Variants in FMN2 observed in about 807,000 individuals in gnomAD.
FMN2 encodes the protein formin-2.
Under a neutral mutation model 142.3 loss-of-function variants are expected in FMN2, and 51 were observed. The ratio of observed to expected loss-of-function variants is 0.36; its 90% confidence interval spans 0.29 to 0.45. The LOEUF (loss-of-function observed/expected upper bound fraction) is 0.45, where lower values mean the gene tolerates loss of function less well. FMN2 is among the 20% of genes least tolerant of loss of function. The pLI, the probability that FMN2 is intolerant of heterozygous loss-of-function variation, is 1.00. For missense variants in FMN2, 1,936 were observed against 2,122.8 expected (o/e 0.91, Z 1.73); for synonymous variants, 882 against 869.8 (o/e 1.01, Z -0.25).
intron 14 of FMN2, among the ~76,000 whole-genome samples, chr1:240,367,790 A>G (rs1474348918): frequency 6.8e-6 from 1 of 147,886 alleles, no homozygotes; most frequent in Non-Finnish European, 1.5e-5. Context: ...AAAAAAAAAA[A>G]AGAAATCCTT....
intron 7 of FMN2, among the ~76,000 whole-genome samples, chr1:240,265,974 G>A (rs1452682510): frequency 9.7e-6 from 1 of 102,706 alleles, no homozygotes; most frequent in African/African-American, 3.7e-5. Context: ...ATAAGTCTTT[G>A]TCCATGGGAC....
chr1:240,162,693 C>T (rs189350126), intron 2 of FMN2, among the ~76,000 whole-genome samples: 35 of 152,066 alleles, frequency 2.3e-4, no homozygotes, highest in Admixed American at 1.8e-3. Flanking sequence ...ATTATACTTG[C>T]CAGAGGTTTT....
chr1:240,206,920 A>G lies in FMN2; in HGVS notation c.2108A>G (p.Glu703Gly). The change falls in exon 5 of 18, where the codon GAG (glutamate) becomes GGG (glycine). Residue 703 changes from glutamate (E) to glycine (G), a missense_variant. By Grantham distance (98) the Glu-to-Gly change is moderately conservative (BLOSUM62 -2). This residue lies in a region of FMN2 where 478 missense variants were observed against 462.8 expected (regional missense o/e 1.03). Transcript: ENST00000319653. ...LERQYPALDTEVASGHQGLEN... is the reference protein window; with the variant it reads ...LERQYPALDTGVASGHQGLEN... The stretch of plus-strand genomic sequence containing the variant: ...AGGCAGTATCCTGCCCTGGACACAG[A>G]GGTGGCCAGTGGTCATCAAGGGCTT... 4 of 1,614,196 alleles carry G rather than the reference A, an allele frequency of 2.5e-6. No individual in the cohort carries two copies. The highest frequency in any genetic ancestry group is 3.4e-6 in the Non-Finnish European group (4 of 1,180,028).
intron 2 of FMN2, among the ~76,000 whole-genome samples, chr1:240,164,778 G>A (rs1394427552): frequency 6.6e-6 from 1 of 152,102 alleles, no homozygotes; most frequent in Non-Finnish European, 1.5e-5. Context: ...CAGTTTTACT[G>A]TATTCACCCA....
chr1:240,406,959 G>T (rs573235172), intron 15 of FMN2, among the ~76,000 whole-genome samples: 1 of 152,264 alleles, frequency 6.6e-6, no homozygotes, highest in African/African-American at 2.4e-5. Flanking sequence ...TTTTTTCATT[G>T]TGAGAGCGTT....
intron 4 of FMN2, among the ~76,000 whole-genome samples, chr1:240,202,723 G>A (rs909889235): frequency 6.6e-6 from 1 of 152,026 alleles, no homozygotes; most frequent in Non-Finnish European, 1.5e-5. Flanking sequence ...TTCAGCCTCG[G>A]AAAGTGCTGG....
intron 14 of FMN2, 74 bp from the exon 15 acceptor site, chr1:240,392,437 A>G: frequency 1.7e-6 from 2 of 1,153,942 alleles, no homozygotes; most frequent in Non-Finnish European, 2.6e-6. Flanking sequence ...TACGTTATGT[A>G]GGGCAGATGT....
intron 15 of FMN2, among the ~76,000 whole-genome samples, chr1:240,428,326 G>T (rs1675028249): frequency 6.6e-6 from 1 of 151,666 alleles, no homozygotes; most frequent in African/African-American, 2.4e-5. Flanking sequence ...TAACCCCCTG[G>T]GCTCAAGCAA....
At chr1:240,145,262 TC>T in intron 2 of FMN2, 1 of 1,444,090 alleles carries the variant, frequency 6.9e-7, no homozygotes, top group Non-Finnish European at 9.5e-7. Flanking sequence ...TTTGTCCTTG[TC>T]CCCGGCATCC....
At chr1:240,367,229 T>G (rs1311480818) in intron 14 of FMN2, among the ~76,000 whole-genome samples, 2 of 152,222 alleles carry the variant, frequency 1.3e-5, no homozygotes, top group Non-Finnish European at 2.9e-5. Flanking sequence ...TCCTTTTCTC[T>G]GTAATGCCAT....
At chr1:240,402,051 T>C (rs1209304726) in intron 15 of FMN2, among the ~76,000 whole-genome samples, 3 of 152,226 alleles carry the variant, frequency 2.0e-5, no homozygotes, top group Admixed American at 6.5e-5. Flanking sequence ...CTTATTCATG[T>C]GAAAACATTT....
chr1:240,222,231 A>G (rs773927101), intron 6 of FMN2, among the ~76,000 whole-genome samples: 1 of 152,014 alleles, frequency 6.6e-6, no homozygotes, highest in Non-Finnish European at 1.5e-5. Flanking sequence ...TCCCAACACC[A>G]TTTATTAAAT....
At chr1:240,351,213 G>A (rs1558447322) in intron 13 of FMN2, among the ~76,000 whole-genome samples, 1 of 152,160 alleles carries the variant, frequency 6.6e-6, no homozygotes, top group Non-Finnish European at 1.5e-5. Flanking sequence ...ATATTTTAAA[G>A]CAACCTCCAG....
At chr1:240,221,332 C>G (rs1667103156) in intron 6 of FMN2, among the ~76,000 whole-genome samples, 1 of 152,136 alleles carries the variant, frequency 6.6e-6, no homozygotes, top group Non-Finnish European at 1.5e-5. Flanking sequence ...ACACTCCCAC[C>G]AACAGTGTAA....
chr1:240,442,058 G>T (rs964730084), intron 16 of FMN2, among the ~76,000 whole-genome samples: 3 of 152,124 alleles, frequency 2.0e-5, no homozygotes, highest in African/African-American at 4.8e-5. Flanking sequence ...TGTGAGTGTG[G>T]TTAGTCAGCC....
At chr1:240,420,421 T>A (rs1252560130) in intron 15 of FMN2, among the ~76,000 whole-genome samples, 5 of 152,222 alleles carry the variant, frequency 3.3e-5, no homozygotes, top group Non-Finnish European at 5.9e-5. Flanking sequence ...ACATGGTAGC[T>A]AATTCTTGCA....
At chr1:240,275,792 G>A (rs1238770175) in intron 7 of FMN2, among the ~76,000 whole-genome samples, 3 of 152,176 alleles carry the variant, frequency 2.0e-5, no homozygotes, top group Admixed American at 6.5e-5. Context: ...TCTAACTGGT[G>A]TGAGATAGTG....
chr1:240,154,919 T>G (rs1571995418), intron 2 of FMN2: 1 of 142,834 alleles, frequency 7.0e-6, no homozygotes, highest in Admixed American at 7.2e-5. Context: ...CAGGGCCTTG[T>G]GCTGTCGTCC....
At chr1:240,322,127 A>T (rs1053352342) in intron 8 of FMN2, among the ~76,000 whole-genome samples, 3 of 152,188 alleles carry the variant, frequency 2.0e-5, no homozygotes. Context: ...TAATATAAAA[A>T]TTTTGAGTCA....
Sources: allele counts gnomAD v4.1 joint callset (sites outside exome capture counted in the v4.1 genomes callset), GRCh38; gene constraint gnomAD v4.1.1; regional missense constraint gnomAD v4.1.1; transcripts MANE v1.5; gene names NCBI Gene and HGNC (gene_info 2026-07-23, HGNC 2026-07-21).